The following DHX15 variants were observed in gnomAD, a reference collection of about 807,000 sequenced individuals.
DHX15 encodes DEAH-box helicase 15, also known as ATP-dependent RNA helicase DHX15.
In DHX15, 11 loss-of-function variants were observed where a neutral mutation model predicts 94.4. The observed-to-expected ratio is 0.12, with a 90% CI of 0.07 to 0.19. DHX15 has a LOEUF of 0.19. DHX15 is among the 10% of genes least tolerant of loss of function. The pLI, the probability that DHX15 is intolerant of heterozygous loss-of-function variation, is 1.00. For synonymous variants in DHX15, 338 were observed against 329.9 expected (o/e 1.02, Z -0.27); for missense variants, 304 against 988.5 (o/e 0.31, Z 9.29).
intron 6 of DHX15, among the ~76,000 whole-genome samples, chr4:24,547,465 G>A (rs1221470316): frequency 6.6e-6 from 1 of 152,146 alleles, no homozygotes; most frequent in Non-Finnish European, 1.5e-5. Flanking sequence ...GCTCAGATGT[G>A]TAACTGTAGT....
rs545010945 is a variant in DHX15, at chr4:24,560,517, G to A, written c.702-4107C>T. ...TTCAAGTCTCTATGTAGCATGAAGT[G>A]TCATAAAGCAAAGAAATGTATGACA... is the stretch of plus-strand genomic sequence containing the variant. On this transcript the variant is annotated intron_variant, in intron 3 of 13. Transcript: ENST00000336812. Among the ~76,000 whole-genome samples, 6 of 152,252 alleles carry A rather than the reference G, an allele frequency of 3.9e-5. 1 individual carries two copies. The highest frequency in any genetic ancestry group is 1.4e-4 in the African/African-American group (6 of 41,574).
At chr4:24,536,136 A>G (rs892899428) in intron 11 of DHX15, among the ~76,000 whole-genome samples, 2 of 152,158 alleles carry the variant, frequency 1.3e-5, no homozygotes, top group Non-Finnish European at 1.5e-5. Flanking sequence ...CTTCATTGTT[A>G]TTATGTTTCC....
intron 3 of DHX15, among the ~76,000 whole-genome samples, chr4:24,570,131 C>T (rs544181463): frequency 8.5e-5 from 13 of 152,318 alleles, no homozygotes; most frequent in Admixed American, 2.0e-4. Context: ...CAATTATCTG[C>T]ACCATAGCTA....
intron 6 of DHX15, among the ~76,000 whole-genome samples, chr4:24,544,111 C>A (rs1310202495): frequency 6.6e-6 from 1 of 151,988 alleles, no homozygotes; most frequent in Non-Finnish European, 1.5e-5. Context: ...AGCACTAGCA[C>A]TAAAGTTCCA....
At chr4:24,569,899 T>C (rs1284205513) in intron 3 of DHX15, among the ~76,000 whole-genome samples, 1 of 152,200 alleles carries the variant, frequency 6.6e-6, no homozygotes, top group Non-Finnish European at 1.5e-5. Flanking sequence ...GCCTACGAAG[T>C]GGCTGGGAAT....
At chr4:24,540,365 A>G in intron 9 of DHX15, 66 bp from the exon 10 acceptor site, 2 of 1,380,018 alleles carry the variant, frequency 1.4e-6, no homozygotes, top group Non-Finnish European at 2.0e-6. Context: ...CAAAGTACAA[A>G]CTATTATAAG....
At chr4:24,534,956 CTTTT>C (rs35732046) in intron 11 of DHX15, among the ~76,000 whole-genome samples, 14 of 143,236 alleles carry the variant, frequency 9.8e-5, no homozygotes, top group African/African-American at 3.4e-4. Flanking sequence ...AAGTTTTTTG[CTTTT>C]TTTTTTTTTA....
At chr4:24,559,387 A>AAAG (rs146758548) in intron 3 of DHX15, among the ~76,000 whole-genome samples, 33,030 of 148,816 alleles carry the variant, frequency 0.22, 4,811 homozygotes, top group Non-Finnish European at 0.32. Flanking sequence ...AAAAAAAAAA[A>AAAG]AAAAAAAAAG....
chr4:24,582,843 A>C (rs1488493565), intron 1 of DHX15, among the ~76,000 whole-genome samples: 2 of 152,114 alleles, frequency 1.3e-5, no homozygotes, highest in African/African-American at 4.8e-5. Flanking sequence ...TGTGGGGCGT[A>C]ATGGTGGGGG....
At chr4:24,553,227 A>G (rs1173980998) in intron 5 of DHX15, among the ~76,000 whole-genome samples, 1 of 152,230 alleles carries the variant, frequency 6.6e-6, no homozygotes, top group Non-Finnish European at 1.5e-5. Flanking sequence ...AGGCTGAGGC[A>G]GGAGAATCAC....
At chr4:24,563,025 G>C (rs1435700326) in intron 3 of DHX15, among the ~76,000 whole-genome samples, 1 of 151,910 alleles carries the variant, frequency 6.6e-6, no homozygotes, top group African/African-American at 2.4e-5. Context: ...CAACAAAATG[G>C]TGTTGATTAA....
chr4:24,530,771 C>T (rs1024926885), intron 12 of DHX15: 4 of 152,006 alleles, frequency 2.6e-5, no homozygotes, highest in African/African-American at 7.2e-5. Flanking sequence ...GGACAGTTCT[C>T]CCTTTCCAAT....
At chr4:24,541,256 T>G (rs1477948908) in intron 8 of DHX15, among the ~76,000 whole-genome samples, 1 of 152,134 alleles carries the variant, frequency 6.6e-6, no homozygotes, top group Non-Finnish European at 1.5e-5. Flanking sequence ...AGAAAAAATT[T>G]TAAAGATTCC....
intron 12 of DHX15, among the ~76,000 whole-genome samples, chr4:24,531,617 C>T (rs2109391444): frequency 6.6e-6 from 1 of 152,070 alleles, no homozygotes; most frequent in South Asian, 2.1e-4. Flanking sequence ...ACTCAGGAGT[C>T]TGAGGTGGGA....
chr4:24,567,730 T>C (rs1722025715), intron 3 of DHX15, among the ~76,000 whole-genome samples: 1 of 152,126 alleles, frequency 6.6e-6, no homozygotes, highest in Non-Finnish European at 1.5e-5. Flanking sequence ...CAATATATTG[T>C]TCCCTGACTG....
intron 2 of DHX15, among the ~76,000 whole-genome samples, chr4:24,575,457 G>A (rs1722236982): frequency 6.6e-6 from 1 of 152,124 alleles, no homozygotes; most frequent in Non-Finnish European, 1.5e-5. Flanking sequence ...CTCACCCACA[G>A]CAAGAAAATG....
At chr4:24,559,125 T>C (rs1311436465) in intron 3 of DHX15, among the ~76,000 whole-genome samples, 1 of 152,036 alleles carries the variant, frequency 6.6e-6, no homozygotes, top group Admixed American at 6.6e-5. Context: ...CCAGTATCCT[T>C]ACAAAATGTA....
chr4:24,531,857 T>C (rs909749685), intron 12 of DHX15, among the ~76,000 whole-genome samples: 6 of 152,218 alleles, frequency 3.9e-5, no homozygotes, highest in Non-Finnish European at 8.8e-5. Flanking sequence ...AAGCCTATTA[T>C]ATAATAAGAT....
intron 3 of DHX15, among the ~76,000 whole-genome samples, chr4:24,557,452 T>A (rs1459121698): frequency 6.6e-6 from 1 of 152,164 alleles, no homozygotes; most frequent in Admixed American, 6.5e-5. Context: ...ATGGACCAAC[T>A]GGATATTTTT....
Sources: gnomAD v4.1 joint callset for allele counts (sites outside exome capture counted in the v4.1 genomes callset) on GRCh38, gnomAD v4.1.1 for gene constraint, MANE v1.5 for transcripts, NCBI Gene and HGNC (gene_info 2026-07-23, HGNC 2026-07-21) for gene names.